The following IFT172 variants were observed in gnomAD, a reference collection of about 807,000 sequenced individuals.
IFT172 encodes intraflagellar transport protein 172 homolog.
A neutral mutation model predicts 248.9 loss-of-function variants in IFT172; 164 were observed. The ratio of observed to expected loss-of-function variants is 0.66; its 90% CI spans 0.58 to 0.75. The LOEUF (loss-of-function observed/expected upper bound fraction) is 0.75. Among genes scored for constraint, IFT172 ranks in the 30% least tolerant of loss-of-function variants. IFT172 has a pLI of 0.00. For missense variants in IFT172, 1,950 were observed against 2,192.4 expected, an observed-to-expected ratio of 0.89 and a Z score of 2.21; for synonymous variants, 729 against 791.6, an observed-to-expected ratio of 0.92 and a Z score of 1.33.
chr2:27,463,199 T>C lies in IFT172; in HGVS notation c.1938-18A>G. ...AAAAGCACCTATGGCATGGAAGCAA[T>C]AACATTAATAGTAATATTATTATAG... On this transcript the variant is annotated intron_variant, in intron 18 of 47. Transcript: ENST00000260570. 6.2e-7 allele frequency: 1 copy of C among 1,600,572 alleles called. No homozygotes were observed. Among genetic ancestry groups the C allele is most frequent in the African/African-American group, 1.3e-5 (1 of 74,742 alleles).
intron 1 of IFT172, among the ~76,000 whole-genome samples, chr2:27,488,067 C>T (rs1668890265): frequency 6.6e-6 from 1 of 152,128 alleles, no homozygotes; most frequent in Non-Finnish European, 1.5e-5. Flanking sequence ...ACTGCAGCCT[C>T]GACCTCCTGG....
chr2:27,447,799 T>C lies in IFT172; in HGVS notation c.4539+13A>G, dbSNP rs1558354261. 3.7e-6 allele frequency: 6 copies of C among 1,602,792 alleles called. No homozygotes were observed. Among genetic ancestry groups the C allele is most frequent in the Non-Finnish European group, 4.3e-6 (5 of 1,169,622 alleles). ...GGACAAGGACAGACGGAGCAGCCCT[T>C]TCGCTTCCTCACCAGGTTGAAGAGG... On this transcript the variant is annotated intron_variant, in intron 41 of 47. Transcript: ENST00000260570.
At chr2:27,488,711 C>T (rs1303141357) in intron 1 of IFT172, among the ~76,000 whole-genome samples, 8 of 152,172 alleles carry the variant, frequency 5.3e-5, no homozygotes, top group African/African-American at 1.9e-4. Flanking sequence ...CCTAAAGTTG[C>T]TATTAGTACT....
At chr2:27,461,701 GT>G in intron 21 of IFT172, 57 bp downstream of exon 21, 1 of 1,608,212 alleles carries the variant, frequency 6.2e-7, no homozygotes, top group Non-Finnish European at 8.5e-7. Context: ...ACAAAAGGAG[GT>G]TTTTGAAATT....
intron 16 of IFT172, chr2:27,466,212 T>C: frequency 3.9e-6 from 1 of 257,846 alleles, no homozygotes; most frequent in Admixed American, 4.9e-5. Flanking sequence ...TACTTTTTAA[T>C]GCATTGCTTG....
chr2:27,461,836 T>G lies in IFT172; in HGVS notation c.2116A>C (p.Asn706His). ...KLAEMIFLEQ[N>H]AVEEAMGMYQ... ...ATGCCCATGGCCTCCTCCACAGCAT[T>G]CTAGGGGAAACAGGCAGAGCAGAGA... is the stretch of plus-strand genomic sequence containing the variant. Residue 706 changes from asparagine (N) to histidine (H), a missense_variant and splice_region_variant, in exon 21 of 48, where the codon AAT becomes CAT. Asn to His is a moderately conservative substitution (Grantham distance 68, BLOSUM62 1). This residue lies in a region of IFT172 where 1,166 missense variants were observed against 1,254.1 expected (regional missense o/e 0.93). Coordinates refer to ENST00000260570, the MANE Select transcript of IFT172 (RefSeq NM_015662.3). 1 of 1,613,972 alleles carries G rather than the reference T, an allele frequency of 6.2e-7. No homozygotes were observed. The highest frequency in any genetic ancestry group is 1.1e-5 in the South Asian group (1 of 91,072).
intron 7 of IFT172, 25 bp from the exon 8 acceptor site, chr2:27,481,285 A>G (rs1668340524): frequency 6.3e-7 from 1 of 1,584,458 alleles, no homozygotes; most frequent in South Asian, 1.1e-5. Context: ...GAGGGTTTCA[A>G]TCACTCTTCG....
At chr2:27,480,202 C>T (rs1668264496) in intron 8 of IFT172, 53 bp from the exon 9 acceptor site, 25 of 1,550,250 alleles carry the variant, frequency 1.6e-5, no homozygotes, top group Non-Finnish European at 2.1e-5. Flanking sequence ...CTAAAGAGTG[C>T]AAATGGGCTG....
chr2:27,449,433 GAA>G (rs1245371828), intron 38 of IFT172, 53 bp from the exon 39 acceptor site: 14 of 1,613,754 alleles, frequency 8.7e-6, no homozygotes, highest in Non-Finnish European at 1.2e-5. Context: ...ATGAGGGAAA[GAA>G]GAGGGAGAGA....
chr2:27,462,902 G>A, intron 19 of IFT172, 109 bp from the exon 20 acceptor site: 1 of 1,223,974 alleles, frequency 8.2e-7, no homozygotes, highest in Non-Finnish European at 1.2e-6. Flanking sequence ...ACTTGGGAAG[G>A]TAAAACACTT....
At chr2:27,450,396 A>G (rs776736233) in intron 35 of IFT172, among the ~76,000 whole-genome samples, 52 of 152,198 alleles carry the variant, frequency 3.4e-4, no homozygotes, top group Non-Finnish European at 6.8e-4. Context: ...GGTCTTTGTC[A>G]TAAGTAAAAT....
In IFT172 at chr2:27,477,255, A is replaced by T. The variant is rs1373301377; in HGVS notation, c.1287T>A (p.Gly429=). The T allele has an allele frequency of 6.2e-7, 1 of 1,614,112 alleles. No individual in the cohort carries two copies. Among genetic ancestry groups the T allele is most frequent in the South Asian group, 1.1e-5 (1 of 91,078 alleles). ...GGTTCATGAATTCAGTGCGTACAGA[A>T]CCCAGGGTGTCATTATTCCCATATT... ...LVEYGNNDTL[G]SVRTEFMNPH... Residue 429 remains glycine, a synonymous_variant, in exon 13 of 48, where the codon GGT becomes GGA. Coordinates refer to ENST00000260570, the MANE Select transcript of IFT172 (RefSeq NM_015662.3).
At position 27,480,039 on chromosome 2, in the gene IFT172, G is replaced by A. The variant is rs1330519867; in HGVS notation, c.896C>T (p.Ser299Leu). The change falls in exon 9 of 48, where the codon TCA becomes TTA. Residue 299 changes from serine to leucine, a missense_variant. Ser to Leu is a moderately radical substitution (Grantham distance 145). This residue lies in a region of IFT172 where 1,166 missense variants were observed against 1,254.1 expected (regional missense o/e 0.93). Transcript: ENST00000260570. ...ITALAWKRDG[S>L]RLCVGTLCGG... ...CTAGTAACACACCACACAGAGCCGTGAGCCATCCCGCTTCCAGGCCAAGGC... is the reference window on the plus strand; with the variant it reads ...CTAGTAACACACCACACAGAGCCGTAAGCCATCCCGCTTCCAGGCCAAGGC... 6.2e-7 allele frequency: 1 copy of A among 1,613,792 alleles called. No homozygotes were observed.
At chr2:27,468,962 C>G (rs1371708849) in intron 16 of IFT172, among the ~76,000 whole-genome samples, 4 of 150,798 alleles carry the variant, frequency 2.7e-5, no homozygotes, top group Admixed American at 2.6e-4. Flanking sequence ...ATCAATGAAA[C>G]AACATTTACA....
At chr2:27,473,267 G>A (rs189223890) in intron 14 of IFT172, among the ~76,000 whole-genome samples, 1 of 149,770 alleles carries the variant, frequency 6.7e-6, no homozygotes, top group African/African-American at 2.5e-5. Context: ...CTACTCGGGA[G>A]GCTGAGGCGG....
rs202024173 is a variant in IFT172, at chr2:27,461,346, G to C, written c.2365C>G (p.Arg789Gly). 9 of 1,614,126 alleles carry C rather than the reference G, an allele frequency of 5.6e-6. No homozygotes were observed. The highest frequency in any genetic ancestry group is 7.6e-6 in the Non-Finnish European group (9 of 1,180,020). The change falls in exon 22 of 48, where the codon CGA (arginine) becomes GGA (glycine). Residue 789 changes from arginine to glycine, a missense_variant. Arg to Gly is a moderately radical substitution (Grantham distance 125). Coordinates refer to ENST00000260570, the MANE Select transcript of IFT172 (RefSeq NM_015662.3). ...TCTGTGTTGGCTAGCAGTTCCTCTCGGGTCAGCACCAGCCGAGCAGCTTTG... is the reference window on the plus strand; with the variant it reads ...TCTGTGTTGGCTAGCAGTTCCTCTCCGGTCAGCACCAGCCGAGCAGCTTTG... Reference protein sequence around the residue: ...PAKAARLVLTREELLANTELV... With the variant: ...PAKAARLVLTGEELLANTELV...
At chr2:27,458,102 ACCT>A (rs1216359153) in intron 27 of IFT172, 21 bp downstream of exon 27, 1 of 1,611,178 alleles carries the variant, frequency 6.2e-7, no homozygotes, top group Non-Finnish European at 8.5e-7. Context: ...CTCCCTCTAC[ACCT>A]CCTCTGGGGC....
chr2:27,477,238 A>C lies in IFT172; in HGVS notation c.1304T>G (p.Phe435Cys). ...NDTLGSVRTE[F>C]MNPHLISVRI... ...TTACCTGATGAGGTGGGGGTTCATG[A>C]ATTCAGTGCGTACAGAACCCAGGGT... The change falls in exon 13 of 48, where the codon TTC becomes TGC. Residue 435 changes from phenylalanine to cysteine, a missense_variant. Transcript: ENST00000260570. 2 of 1,614,100 alleles carry C rather than the reference A, an allele frequency of 1.2e-6. No homozygotes were observed. Among genetic ancestry groups the C allele is most frequent in the Non-Finnish European group, 8.5e-7 (1 of 1,179,940 alleles).
rs980846842 is a variant in IFT172 at position 27,454,910 on chromosome 2, G to C, written c.3372-250C>G. On this transcript the variant is annotated intron_variant, in intron 30 of 47. Coordinates refer to ENST00000260570, the MANE Select transcript of IFT172 (RefSeq NM_015662.3). The surrounding 1 kb of genome is among the most constrained non-coding windows in gnomAD (Gnocchi z 4.2). ...GCCTATGCCTTCCCTGAGGCCAGCT[G>C]CTCCTGAGGAATTAGTTTGGGCCTG... 6.6e-6 allele frequency among the ~76,000 whole-genome samples: 1 copy of C among 152,172 alleles called. No individual in the cohort carries two copies. Among genetic ancestry groups the C allele is most frequent in the African/African-American group, 2.4e-5 (1 of 41,452 alleles).
Sources: gnomAD v4.1 joint callset for allele counts (sites outside exome capture counted in the v4.1 genomes callset) on GRCh38, gnomAD v4.1.1 for gene constraint, gnomAD v4.1.1 regional missense constraint, Gnocchi (gnomAD v3.1) non-coding constraint, MANE v1.5 for transcripts, NCBI Gene and HGNC (gene_info 2026-07-23, HGNC 2026-07-21) for gene names.